Variants in VCAM1 observed in about 807,000 individuals in gnomAD.
VCAM1 encodes vascular cell adhesion protein 1.
Under a neutral mutation model 63.8 loss-of-function variants are expected in VCAM1, and 41 were observed. That is an observed-to-expected ratio of 0.64 (90% CI 0.50 to 0.83). VCAM1 has a LOEUF of 0.83. Among genes scored for constraint, VCAM1 ranks in the 40% least tolerant of loss-of-function variants. The probability of loss-of-function intolerance (pLI) is 0.00; values close to 1 mark genes in which losing one functional copy is unlikely to be tolerated. For missense variants in VCAM1, 798 were observed against 875.5 expected (o/e 0.91, Z 1.12); for synonymous variants, 338 against 320.7 (o/e 1.05, Z -0.58).
In VCAM1 at chr1:100,731,790, G is replaced by A. The variant is rs550311737; in HGVS notation, c.1525+272G>A. On this transcript the variant is annotated intron_variant, in intron 6 of 8. Coordinates refer to ENST00000294728, the MANE Select transcript of VCAM1 (RefSeq NM_001078.4). This position sits in a 1 kb window ranked among gnomAD's most constrained non-coding sequence, Gnocchi z 4.2. ...AATATGGTATTAGCTGAGCTCACTC[G>A]TGCATTTTCAGTAAGGTTAGCAGGG... is the stretch of plus-strand genomic sequence containing the variant. Among the ~76,000 whole-genome samples, 5 of 152,122 alleles carry A rather than the reference G, an allele frequency of 3.3e-5. No individual in the cohort carries two copies. Among genetic ancestry groups the A allele is most frequent in the Admixed American group, 1.3e-4 (2 of 15,274 alleles).
Position 100,731,670 on chromosome 1 carries a change from C to T in VCAM1, c.1525+152C>T, listed in dbSNP as rs1167244325. 4 of 794,476 alleles carry T rather than the reference C, an allele frequency of 5.0e-6. No homozygotes were observed. The East Asian group carries it at 1.1e-4, about 22-fold the overall frequency. The allele number at this position is 794,476 out of a possible 1,614,324, so 49.2% of individuals were successfully genotyped here. A position where few individuals can be genotyped will look rare whatever the true frequency, so the allele number is the denominator to read the frequency against. On this transcript the variant is annotated intron_variant, in intron 6 of 8. Coordinates refer to ENST00000294728, the MANE Select transcript of VCAM1 (RefSeq NM_001078.4). This position sits in a 1 kb window ranked among gnomAD's most constrained non-coding sequence, Gnocchi z 4.2. ...CAAAATAATGATGATTGTAACAAATCACCCTCCCTAAACTTAAAATAGTAA... is the reference window on the plus strand; with the variant it reads ...CAAAATAATGATGATTGTAACAAATTACCCTCCCTAAACTTAAAATAGTAA...
Position 100,724,706 on chromosome 1 carries a change from C to A in VCAM1, c.744C>A (p.Ser248Arg). The change falls in exon 4 of 9, where the codon AGC (serine) becomes AGA (arginine). Residue 248 changes from serine (S) to arginine (R), a missense_variant. By Grantham distance (110) the Ser-to-Arg change is moderately radical. Coordinates refer to ENST00000294728, the MANE Select transcript of VCAM1 (RefSeq NM_001078.4). ...EGGSVTMTCS[S>R]EGLPAPEIFW... ...GCTCTGTGACCATGACCTGTTCCAG[C>A]GAGGGTCTACCAGCTCCAGAGATTT... is the stretch of plus-strand genomic sequence containing the variant. 1 of 1,612,974 alleles carries A rather than the reference C, an allele frequency of 6.2e-7. No individual in the cohort carries two copies. The highest frequency in any genetic ancestry group is 8.5e-7 in the Non-Finnish European group (1 of 1,179,432).
At chr1:100,729,948 A>G (rs555611151) in intron 5 of VCAM1, among the ~76,000 whole-genome samples, 9 of 152,250 alleles carry the variant, frequency 5.9e-5, no homozygotes, top group African/African-American at 2.2e-4. Context: ...TGCCACCTAC[A>G]TATACTACAC....
chr1:100,720,837 A>T, intron 2 of VCAM1, 86 bp downstream of exon 2: 2 of 1,439,176 alleles, frequency 1.4e-6, no homozygotes, highest in Non-Finnish European at 1.9e-6. Context: ...AAAGTTTTAA[A>T]ATGGATATTC....
At position 100,723,037 on chromosome 1, in the gene VCAM1, G is replaced by C; in HGVS notation, c.358G>C (p.Glu120Gln). The C allele has an allele frequency of 6.2e-7, 1 of 1,610,686 alleles. No homozygotes were observed. Among genetic ancestry groups the C allele is most frequent in the South Asian group, 1.1e-5 (1 of 90,986 alleles). ...VEIYSFPKDP[E>Q]IHLSGPLEAG... Reference sequence around the variant, plus strand: ...CTTTTCAGCTTTTCCTAAGGATCCAGAGATTCATTTGAGTGGCCCTCTGGA... The same window carrying C: ...CTTTTCAGCTTTTCCTAAGGATCCACAGATTCATTTGAGTGGCCCTCTGGA... Residue 120 changes from glutamate to glutamine, a missense_variant, in exon 3 of 9, where the codon GAG (glutamate) becomes CAG (glutamine). Coordinates refer to ENST00000294728, the MANE Select transcript of VCAM1 (RefSeq NM_001078.4).
intron 7 of VCAM1, among the ~76,000 whole-genome samples, chr1:100,733,072 TG>T (rs1557907052): frequency 6.6e-6 from 1 of 152,218 alleles, no homozygotes. Context: ...TCTCACAAGA[TG>T]GCCAGTAGTA....
Position 100,732,569 on chromosome 1 carries a change from T to C in VCAM1, c.1677T>C (p.Ser559=), listed in dbSNP as rs1465344820. ...CTAACGGGGAGCTACAGCCTCTTTC[T>C]GAGAATGCAACTCTCACCTTAATTT... ...QLPNGELQPL[S]ENATLTLIST... The change falls in exon 7 of 9, where the codon TCT becomes TCC. Residue 559 remains serine (S), a synonymous_variant. Transcript: ENST00000294728. 1 of 1,613,502 alleles carries C rather than the reference T, an allele frequency of 6.2e-7. No individual in the cohort carries two copies. The highest frequency in any genetic ancestry group is 2.2e-5 in the East Asian group (1 of 44,854).
In VCAM1 at chr1:100,731,476, G is replaced by A. The variant is rs757451312; in HGVS notation, c.1483G>A (p.Glu495Lys). Residue 495 changes from glutamate to lysine, a missense_variant, in exon 6 of 9, where the codon GAA (glutamate) becomes AAA (lysine). Glu to Lys is a moderately conservative substitution (Grantham distance 56). Transcript: ENST00000294728. This position sits in a 1 kb window ranked among gnomAD's most constrained non-coding sequence, Gnocchi z 4.2. ...GTTACATATTGATGACATGGAATTC[G>A]AACCCAAACAAAGGCAGAGTACGCA... ...AKLHIDDMEF[E>K]PKQRQSTQTL... is the part of the protein sequence containing the mutation. 77 of 1,613,286 alleles carry A rather than the reference G, an allele frequency of 4.8e-5. No homozygotes were observed. The highest frequency in any genetic ancestry group is 2.2e-4 in the East Asian group (10 of 44,870).
chr1:100,729,265 G>T lies in VCAM1; in HGVS notation c.1087G>T (p.Gly363Trp). Reference protein sequence around the residue: ...SPLSGKVRSEGTNSTLTLSPV... With the variant: ...SPLSGKVRSEWTNSTLTLSPV... ...TCTGAGCGGGAAGGTGAGGAGTGAG[G>T]GGACCAATTCCACGCTGACCCTGAG... Residue 363 changes from glycine to tryptophan, a missense_variant, in exon 5 of 9, where the codon GGG becomes TGG. Transcript: ENST00000294728. The T allele has an allele frequency of 1.2e-6, 2 of 1,613,554 alleles. No individual in the cohort carries two copies. The highest frequency in any genetic ancestry group is 1.7e-6 in the Non-Finnish European group (2 of 1,179,712).
In VCAM1 at chr1:100,719,755, C is replaced by G. The variant is rs1659882357; in HGVS notation, c.-106C>G. On this transcript the variant is annotated 5_prime_UTR_variant, in exon 1 of 9. In the 5' UTR this introduces an upstream ATG that the reference lacks. Coordinates refer to ENST00000294728, the MANE Select transcript of VCAM1 (RefSeq NM_001078.4). ...CTATTTCACTCCGCGGTATCTGCAT[C>G]GGGCCTCACTGGCTTCAGGAGCTGA... is the stretch of plus-strand genomic sequence containing the variant. 7 of 1,078,026 alleles carry G rather than the reference C, an allele frequency of 6.5e-6. No individual in the cohort carries two copies. The highest frequency in any genetic ancestry group is 5.0e-5 in the East Asian group (2 of 39,824). The allele number at this position is 1,078,026 out of a possible 1,614,324, so 66.8% of individuals were successfully genotyped here.
chr1:100,735,788 T>C (rs1468703823), intron 8 of VCAM1: 1 of 152,238 alleles, frequency 6.6e-6, no homozygotes, highest in Non-Finnish European at 1.5e-5. Context: ...ACATCACGAT[T>C]ATATATGAAA....
chr1:100,731,829 G>GTC lies in VCAM1; in HGVS notation c.1525+311_1525+312insTC, dbSNP rs1317119397. Among the ~76,000 whole-genome samples, 5 of 152,262 alleles carry GTC rather than the reference G, an allele frequency of 3.3e-5. No homozygotes were observed. The East Asian group carries it at 5.8e-4, about 18-fold the overall frequency. ...AGGTTAGCAGGGCTGGCTGGTCTCAGATGACTTCACCCACATGTCTGGAGC... is the reference window on the plus strand; with the variant it reads ...AGGTTAGCAGGGCTGGCTGGTCTCAGTCATGACTTCACCCACATGTCTGGAGC... On this transcript the variant is annotated intron_variant, in intron 6 of 8. Coordinates refer to ENST00000294728, the MANE Select transcript of VCAM1 (RefSeq NM_001078.4). The surrounding 1 kb of genome is among the most constrained non-coding windows in gnomAD (Gnocchi z 4.2).
rs1431953444 is a variant in VCAM1 at position 100,720,683 on chromosome 1, A to T, written c.272A>T (p.His91Leu). The change falls in exon 2 of 9, where the codon CAC becomes CTC. Residue 91 changes from histidine (H) to leucine (L), a missense_variant. Transcript: ENST00000294728. Reference sequence around the variant, plus strand: ...AATCCTGTTAGTTTTGGGAACGAACACTCTTACCTGTGCACAGCAACTTGT... The same window carrying T: ...AATCCTGTTAGTTTTGGGAACGAACTCTCTTACCTGTGCACAGCAACTTGT... ...TMNPVSFGNEHSYLCTATCES... is the reference protein window; with the variant it reads ...TMNPVSFGNELSYLCTATCES... The T allele has an allele frequency of 6.2e-7, 1 of 1,613,142 alleles. No individual in the cohort carries two copies. The highest frequency in any genetic ancestry group is 1.3e-5 in the African/African-American group (1 of 74,852).
chr1:100,731,177 G>T lies in VCAM1; in HGVS notation c.1205-21G>T, dbSNP rs371928358. The T allele has an allele frequency of 1.9e-6, 3 of 1,564,968 alleles. No homozygotes were observed. In the South Asian group the frequency reaches 3.6e-5, roughly 19 times the overall value. On this transcript the variant is annotated intron_variant, in intron 5 of 8. Transcript: ENST00000294728. This position sits in a 1 kb window ranked among gnomAD's most constrained non-coding sequence, Gnocchi z 4.2. ...TCCTTGAATATCAAGAATAAAAATC[G>T]TTTTTGCTTGCGATTTGCAGCATTC... is the stretch of plus-strand genomic sequence containing the variant.
intron 8 of VCAM1, chr1:100,736,318 A>G (rs1022395400): frequency 6.6e-6 from 1 of 152,240 alleles, no homozygotes; most frequent in Non-Finnish European, 1.5e-5. Context: ...CTAAATTTTA[A>G]TGAAGACCAA....
intron 4 of VCAM1, among the ~76,000 whole-genome samples, chr1:100,726,772 C>G (rs184065260): frequency 2.0e-5 from 3 of 152,150 alleles, no homozygotes; most frequent in Admixed American, 2.0e-4. Flanking sequence ...AGCATACAAA[C>G]TAGGAAGGAA....
rs3176879 is a variant in VCAM1, at chr1:100,738,271, G to A, written c.2208G>A (p.Lys736=). 1,534,183 of 1,613,012 alleles carry A rather than the reference G, an allele frequency of 0.95. 732,484 individuals carry two copies. Among genetic ancestry groups the A allele is most frequent in the Non-Finnish European group, 0.97 (1,142,081 of 1,179,434 alleles). ...KGSYSLVEAQ[K]SKV is the part of the protein sequence containing the mutation. ...CATATAGTCTTGTAGAAGCACAGAA[G>A]TCAAAAGTGTAGCTAATGCTTGATA... is the stretch of plus-strand genomic sequence containing the variant. Residue 736 remains lysine, a synonymous_variant, in exon 9 of 9, where the codon AAG becomes AAA. Coordinates refer to ENST00000294728, the MANE Select transcript of VCAM1 (RefSeq NM_001078.4).
At chr1:100,725,197 G>C (rs1025859682) in intron 4 of VCAM1, among the ~76,000 whole-genome samples, 1 of 150,736 alleles carries the variant, frequency 6.6e-6, no homozygotes, top group Non-Finnish European at 1.5e-5. Flanking sequence ...TACACCCCTG[G>C]GTCCTCTTCT....
chr1:100,734,370 G>GC (rs1239296270), intron 7 of VCAM1, 132 bp from the exon 8 acceptor site: 1 of 953,052 alleles, frequency 1.0e-6, no homozygotes, highest in Non-Finnish European at 1.5e-6. Flanking sequence ...TTCTTTACTT[G>GC]CCCTTCTTAA....
Sources: gnomAD v4.1 joint callset for allele counts (sites outside exome capture counted in the v4.1 genomes callset) on GRCh38, gnomAD v4.1.1 for gene constraint, Gnocchi (gnomAD v3.1) non-coding constraint, MANE v1.5 for transcripts, NCBI Gene and HGNC (gene_info 2026-07-23, HGNC 2026-07-21) for gene names.